Variants in AFF4 observed in about 807,000 individuals in gnomAD.
The protein encoded by AFF4 is AF4/FMR2 family member 4.
In AFF4, 13 loss-of-function variants were observed where a neutral mutation model predicts 124.8. That is an observed-to-expected ratio of 0.10 (90% CI 0.07 to 0.17). The LOEUF (loss-of-function observed/expected upper bound fraction) is 0.17, where lower values mean the gene tolerates loss of function less well. AFF4 is among the 10% of genes least tolerant of loss of function. The pLI is 1.00. For synonymous variants in AFF4, 477 were observed against 496.1 expected, an observed-to-expected ratio of 0.96 and a Z score of 0.51; for missense variants, 1,092 against 1,403.8, an observed-to-expected ratio of 0.78 and a Z score of 3.55.
In AFF4 at chr5:132,934,842, C is replaced by A. The variant is rs772791589; in HGVS notation, c.223G>T (p.Val75Phe). 1.2e-6 allele frequency: 2 copies of A among 1,614,142 alleles called. No homozygotes were observed. The highest frequency in any genetic ancestry group is 1.7e-6 in the Non-Finnish European group (2 of 1,180,022). ...GGTACTGTAGGCTTGGGAATTGCAA[C>A]AAGCTTTGGTATAGATCTGTCTCCT... ...FIGDRSIPKLVAIPKPTVPPS... is the reference protein window; with the variant it reads ...FIGDRSIPKLFAIPKPTVPPS... The change falls in exon 3 of 21, where the codon GTT becomes TTT. Residue 75 changes from valine (V) to phenylalanine (F), a missense_variant. Val to Phe is a conservative substitution (Grantham distance 50). Around this residue, in one of 11 missense-constraint regions of AFF4, gnomAD observed 35 missense variants for 70.9 expected, o/e 0.49. Coordinates refer to ENST00000265343, the MANE Select transcript of AFF4 (RefSeq NM_014423.4).
At chr5:132,923,964 A>C (rs751261281) in intron 5 of AFF4, among the ~76,000 whole-genome samples, 89 of 152,318 alleles carry the variant, frequency 5.8e-4, no homozygotes, top group Non-Finnish European at 8.2e-4. Context: ...GAATAAAAAA[A>C]GAAAAACTGG....
Position 132,898,459 on chromosome 5 carries a change from T to TA in AFF4, c.1227-68_1227-67insT, listed in dbSNP as rs1462729767. On this transcript the variant is annotated intron_variant, in intron 9 of 20. Coordinates refer to ENST00000265343, the MANE Select transcript of AFF4 (RefSeq NM_014423.4). Reference sequence around the variant, plus strand: ...CATTGACAACAGGAAAACATCCAAATCGACAACCAACTTTCTTTTTTTCTT... The same window carrying TA: ...CATTGACAACAGGAAAACATCCAAATACGACAACCAACTTTCTTTTTTTCTT... The TA allele has an allele frequency of 3.8e-6, 5 of 1,315,546 alleles. No individual in the cohort carries two copies. The African/African-American group carries it at 1.0e-4, about 26-fold the overall frequency. The allele number at this position is 1,315,546 out of a possible 1,614,324, so 81.5% of individuals were successfully genotyped here. A position where few individuals can be genotyped will look rare whatever the true frequency, so the allele number is the denominator to read the frequency against.
chr5:132,907,259 G>A (rs193148917), intron 5 of AFF4, among the ~76,000 whole-genome samples: 2 of 152,030 alleles, frequency 1.3e-5, no homozygotes, highest in Non-Finnish European at 2.9e-5. Context: ...TCTACAGCCT[G>A]TAGAAGTTTA....
intron 5 of AFF4, among the ~76,000 whole-genome samples, chr5:132,914,937 T>C (rs1760873845): frequency 6.6e-6 from 1 of 152,074 alleles, no homozygotes; most frequent in Non-Finnish European, 1.5e-5. Context: ...GAGAAATAGA[T>C]AACATGAGTA....
intron 5 of AFF4, among the ~76,000 whole-genome samples, chr5:132,909,180 T>G (rs1455609115): frequency 6.6e-6 from 1 of 150,852 alleles, no homozygotes; most frequent in African/African-American, 2.4e-5. Flanking sequence ...TGTTTCATAC[T>G]TGTTGCTCAG....
At position 132,934,969 on chromosome 5, in the gene AFF4, T is replaced by TAA. The variant is rs757571281; in HGVS notation, c.124-29_124-28insTT. The stretch of plus-strand genomic sequence containing the variant: ...ACAAAAAAATAAAATAAAATAAAAT[T>TAA]ATAAAATGAGCATAATCAGAAATAA... On this transcript the variant is annotated intron_variant, in intron 2 of 20. Transcript: ENST00000265343. 4.2e-6 allele frequency: 6 copies of TAA among 1,440,092 alleles called. No individual in the cohort carries two copies. The East Asian group carries it at 1.5e-4, about 35-fold the overall frequency. The allele number at this position is 1,440,092 out of a possible 1,614,324, so 89.2% of individuals were successfully genotyped here.
At chr5:132,948,082 T>C (rs998260360) in intron 1 of AFF4, among the ~76,000 whole-genome samples, 1 of 152,072 alleles carries the variant, frequency 6.6e-6, no homozygotes, top group Non-Finnish European at 1.5e-5. Context: ...GATGGAGTCT[T>C]GCTCTGTCGC....
Position 132,934,640 on chromosome 5 carries a change from C to T in AFF4, c.425G>A (p.Ser142Asn), listed in dbSNP as rs1325049364. Residue 142 changes from serine (S) to asparagine (N), a missense_variant, in exon 3 of 21, where the codon AGT becomes AAT. Physicochemically the swap from Ser to Asn is conservative, Grantham distance 46. Transcript: ENST00000265343. Reference sequence around the variant, plus strand: ...CCTCTGACCACTACTGTTAGTGCCACTACTGCTACCTGCGCTGGTCCGCTG... The same window carrying T: ...CCTCTGACCACTACTGTTAGTGCCATTACTGCTACCTGCGCTGGTCCGCTG... ...SSQRTSAGSS[S>N]GTNSSGQRHD... is the part of the protein sequence containing the mutation. The T allele has an allele frequency of 1.9e-6, 3 of 1,614,136 alleles. No individual in the cohort carries two copies.
intron 1 of AFF4, among the ~76,000 whole-genome samples, chr5:132,940,252 C>A (rs1015546560): frequency 1.3e-5 from 2 of 151,592 alleles, no homozygotes; most frequent in Admixed American, 6.6e-5. Flanking sequence ...GTAATCCTAG[C>A]AATTTGGGTG....
intron 1 of AFF4, chr5:132,948,864 T>A (rs1171133460): frequency 6.5e-6 from 1 of 152,742 alleles, no homozygotes; most frequent in Non-Finnish European, 1.5e-5. Flanking sequence ...CATACCACAT[T>A]TGAATTTTTT....
chr5:132,962,978 C>A (rs1044944377), intron 1 of AFF4, among the ~76,000 whole-genome samples: 1 of 151,992 alleles, frequency 6.6e-6, no homozygotes, highest in African/African-American at 2.4e-5. Flanking sequence ...GCCGATGGAA[C>A]GTCTGAGGAA....
rs576389199 is a variant in AFF4 at position 132,893,843 on chromosome 5, C to T, written c.2308-725G>A. On this transcript the variant is annotated intron_variant, in intron 11 of 20. Transcript: ENST00000265343. ...TCTATACCCATTAGTAGTCACTCCC[C>T]ATCTCCTCCTCCCCCAGACACTGGC... Among the ~76,000 whole-genome samples, 3 of 152,242 alleles carry T rather than the reference C, an allele frequency of 2.0e-5. No homozygotes were observed. The East Asian group carries it at 5.8e-4, about 29-fold the overall frequency.
At chr5:132,909,340 G>A (rs1011309466) in intron 5 of AFF4, among the ~76,000 whole-genome samples, 17 of 151,796 alleles carry the variant, frequency 1.1e-4, no homozygotes, top group Admixed American at 9.2e-4. Context: ...AGATGGGGCC[G>A]CCATGGTGGC....
rs1218016793 is a variant in AFF4, at chr5:132,930,075, T to A, written c.963+2103A>T. Among the ~76,000 whole-genome samples, 9 of 152,286 alleles carry A rather than the reference T, an allele frequency of 5.9e-5. No homozygotes were observed. The East Asian group carries it at 1.7e-3, about 29-fold the overall frequency. On this transcript the variant is annotated intron_variant, in intron 4 of 20. Coordinates refer to ENST00000265343, the MANE Select transcript of AFF4 (RefSeq NM_014423.4). ...GCATGGGAAAACGGTGTACTACTAA[T>A]CCAAGGAAGTCTGATAAGTATGGCT...
intron 10 of AFF4, 127 bp from the exon 11 acceptor site, chr5:132,897,367 T>A: frequency 1.0e-6 from 1 of 983,802 alleles, no homozygotes; most frequent in African/African-American, 1.6e-5. Flanking sequence ...TGGTTCTCTA[T>A]GAACCAAAGC....
In AFF4 at chr5:132,883,516, G is replaced by C; in HGVS notation, c.3188C>G (p.Pro1063Arg). Residue 1063 changes from proline to arginine, a missense_variant, in exon 20 of 21, where the codon CCA becomes CGA. Around this residue, in one of 11 missense-constraint regions of AFF4, gnomAD observed 173 missense variants for 294.9 expected, o/e 0.59. Coordinates refer to ENST00000265343, the MANE Select transcript of AFF4 (RefSeq NM_014423.4). Reference sequence around the variant, plus strand: ...AGATGAATAATTTCCTGAATTGCCTGGTGACAGCTTTGGAGAAACAGGGGA... The same window carrying C: ...AGATGAATAATTTCCTGAATTGCCTCGTGACAGCTTTGGAGAAACAGGGGA... Reference protein sequence around the residue: ...MPSPVSPKLSPGNSGNYSSGA... With the variant: ...MPSPVSPKLSRGNSGNYSSGA... 1 of 1,613,932 alleles carries C rather than the reference G, an allele frequency of 6.2e-7. No individual in the cohort carries two copies. Among genetic ancestry groups the C allele is most frequent in the Non-Finnish European group, 8.5e-7 (1 of 1,180,000 alleles).
rs376191597 is a variant in AFF4, at chr5:132,885,436, G to T, written c.3100-317C>A. 4.7e-5 allele frequency among the ~76,000 whole-genome samples: 5 copies of T among 106,672 alleles called. No homozygotes were observed. The East Asian group carries it at 9.8e-4, about 21-fold the overall frequency. 70.0% of individuals were successfully genotyped at this position (106,672 alleles called of 152,430 possible). ...GGAGTAGCTGCAGTGAGCCATGATC[G>T]TTTTTTTTAAAAAACTCCCTCTTAA... On this transcript the variant is annotated intron_variant, in intron 18 of 20. Coordinates refer to ENST00000265343, the MANE Select transcript of AFF4 (RefSeq NM_014423.4).
In AFF4 at chr5:132,900,348, T is replaced by C. The variant is rs1214305321; in HGVS notation, c.1134-707A>G. Among the ~76,000 whole-genome samples, 3 of 152,104 alleles carry C rather than the reference T, an allele frequency of 2.0e-5. No individual in the cohort carries two copies. The South Asian group carries it at 6.2e-4, about 32-fold the overall frequency. On this transcript the variant is annotated intron_variant, in intron 7 of 20. Transcript: ENST00000265343. ...GAGGTTGGCGGATCACCTGAAGTCA[T>C]GAGTTCGAGACCAGCCAGGCCAACA... is the stretch of plus-strand genomic sequence containing the variant.
intron 16 of AFF4, 42 bp downstream of exon 16, chr5:132,887,804 A>C: frequency 6.2e-7 from 1 of 1,606,734 alleles, no homozygotes; most frequent in African/African-American, 1.3e-5. Context: ...GGACCAGAGA[A>C]ATAATGTTAT....
Sources: allele counts gnomAD v4.1 joint callset (sites outside exome capture counted in the v4.1 genomes callset), GRCh38; gene constraint gnomAD v4.1.1; regional missense constraint gnomAD v4.1.1; transcripts MANE v1.5; gene names NCBI Gene and HGNC (gene_info 2026-07-23, HGNC 2026-07-21).